The following ARHGAP19 variants were observed in gnomAD, a reference collection of about 807,000 sequenced individuals.
ARHGAP19 encodes the protein rho GTPase-activating protein 19.
Under a neutral mutation model 60.9 loss-of-function variants are expected in ARHGAP19, and 48 were observed. The ratio of observed to expected loss-of-function variants is 0.79; its 90% confidence interval spans 0.62 to 1.00. The LOEUF is 1.00. ARHGAP19 is among the 50% of genes least tolerant of loss of function. ARHGAP19 has a pLI of 0.00. For missense variants in ARHGAP19, 562 were observed against 597.2 expected, an observed-to-expected ratio of 0.94 and a Z score of 0.61; for synonymous variants, 209 against 215.5, an observed-to-expected ratio of 0.97 and a Z score of 0.27.
At chr10:97,247,982 T>TC (rs1842587038) in intron 6 of ARHGAP19, among the ~76,000 whole-genome samples, 1 of 151,180 alleles carries the variant, frequency 6.6e-6, no homozygotes, top group Non-Finnish European at 1.5e-5. Flanking sequence ...TTTTTTTTTT[T>TC]TGAGACGGAG....
At chr10:97,252,413 G>C (rs1842696465) in intron 6 of ARHGAP19, among the ~76,000 whole-genome samples, 1 of 151,766 alleles carries the variant, frequency 6.6e-6, no homozygotes. Flanking sequence ...ATGAGGTCAG[G>C]AGATCGAGAC....
intron 5 of ARHGAP19, among the ~76,000 whole-genome samples, chr10:97,258,324 G>T (rs999909968): frequency 6.6e-6 from 1 of 152,110 alleles, no homozygotes; most frequent in Non-Finnish European, 1.5e-5. Flanking sequence ...TCAGCAGTTC[G>T]AGACCCGCCT....
At chr10:97,291,271 AAAAAC>A (rs1224538580) in intron 1 of ARHGAP19, among the ~76,000 whole-genome samples, 3 of 152,192 alleles carry the variant, frequency 2.0e-5, no homozygotes, top group Non-Finnish European at 2.9e-5. Context: ...ACTGCAAAAC[AAAAAC>A]AAAACAAAAC....
chr10:97,265,850 C>T lies in ARHGAP19; in HGVS notation c.322+10G>A. The T allele has an allele frequency of 6.2e-7, 1 of 1,613,346 alleles. No individual in the cohort carries two copies. Among genetic ancestry groups the T allele is most frequent in the Non-Finnish European group, 8.5e-7 (1 of 1,179,392 alleles). On this transcript the variant is annotated intron_variant, in intron 2 of 11. Transcript: ENST00000358531. The stretch of plus-strand genomic sequence containing the variant: ...GAGGCCTGCCCACCCTTCACAAACA[C>T]ATCTCCTACCCTTTCGCTTGAGAGA...
At chr10:97,233,505 A>G (rs1851065385) in intron 9 of ARHGAP19, among the ~76,000 whole-genome samples, 1 of 152,184 alleles carries the variant, frequency 6.6e-6, no homozygotes, top group South Asian at 2.1e-4. Context: ...CAAAAATAAA[A>G]ACAAAAGGAA....
chr10:97,283,332 G>A (rs1843110417), intron 1 of ARHGAP19, among the ~76,000 whole-genome samples: 1 of 151,806 alleles, frequency 6.6e-6, no homozygotes, highest in South Asian at 2.1e-4. Flanking sequence ...TGAGGTGGGT[G>A]GATCATGAGG....
chr10:97,263,253 T>C (rs1051865366), intron 4 of ARHGAP19, among the ~76,000 whole-genome samples, 167 bp downstream of exon 4: 1 of 152,156 alleles, frequency 6.6e-6, no homozygotes, highest in Non-Finnish European at 1.5e-5. Flanking sequence ...AAATTAAACT[T>C]AACTAGCCAA....
intron 6 of ARHGAP19, among the ~76,000 whole-genome samples, chr10:97,255,963 C>T (rs1011265595): frequency 2.6e-5 from 4 of 152,114 alleles, no homozygotes; most frequent in African/African-American, 9.7e-5. Context: ...ATTGAAAGGG[C>T]CAAAGAGTAC....
At chr10:97,264,959 T>A (rs1443996980) in intron 2 of ARHGAP19, 53 bp from the exon 3 acceptor site, 1 of 1,359,588 alleles carries the variant, frequency 7.4e-7, no homozygotes, top group Non-Finnish European at 1.0e-6. Flanking sequence ...TAGTACAAAA[T>A]CATCATACCT....
intron 9 of ARHGAP19, 56 bp downstream of exon 9, chr10:97,235,161 C>A (rs1251852434): frequency 8.7e-6 from 13 of 1,493,688 alleles, no homozygotes; most frequent in Admixed American, 1.9e-5. Context: ...TAAGAAAAAT[C>A]ACATTGTTAC....
intron 2 of ARHGAP19, among the ~76,000 whole-genome samples, 177 bp from the exon 3 acceptor site, chr10:97,265,083 C>T (rs1049669372): frequency 6.6e-6 from 1 of 152,176 alleles, no homozygotes; most frequent in Admixed American, 6.5e-5. Flanking sequence ...AACTCTCAAT[C>T]AGCTCTCTCT....
At chr10:97,238,089 T>C (rs955448038) in intron 8 of ARHGAP19, among the ~76,000 whole-genome samples, 3 of 152,170 alleles carry the variant, frequency 2.0e-5, no homozygotes, top group African/African-American at 7.2e-5. Flanking sequence ...GACAGCTCCA[T>C]GAGTGATATT....
chr10:97,264,392 G>A (rs1842870997), intron 3 of ARHGAP19, among the ~76,000 whole-genome samples: 1 of 151,706 alleles, frequency 6.6e-6, no homozygotes, highest in South Asian at 2.1e-4. Flanking sequence ...GGTCAAGGCT[G>A]CAGTGAGCCA....
At chr10:97,292,514 G>C in intron 1 of ARHGAP19, 58 bp downstream of exon 1, 5 of 1,597,440 alleles carry the variant, frequency 3.1e-6, no homozygotes, top group Non-Finnish European at 4.3e-6. Flanking sequence ...AGGCAAAGGC[G>C]GCAGGACTAC....
chr10:97,237,051 G>C (rs558322690), intron 8 of ARHGAP19, among the ~76,000 whole-genome samples: 1 of 151,828 alleles, frequency 6.6e-6, no homozygotes, highest in Admixed American at 6.6e-5. Flanking sequence ...GATCACTTGA[G>C]CTCAAGAGTT....
At chr10:97,233,583 G>A (rs1309602715) in intron 9 of ARHGAP19, among the ~76,000 whole-genome samples, 1 of 152,166 alleles carries the variant, frequency 6.6e-6, no homozygotes, top group African/African-American at 2.4e-5. Flanking sequence ...GTGAGTAGGA[G>A]CTGGCCGGGT....
At chr10:97,284,855 CTTTT>C (rs768979699) in intron 1 of ARHGAP19, among the ~76,000 whole-genome samples, 3 of 124,130 alleles carry the variant, frequency 2.4e-5, no homozygotes, top group Non-Finnish European at 3.3e-5. Flanking sequence ...AAAGCATATA[CTTTT>C]TTTTTTTTTT....
At chr10:97,271,436 T>A (rs1012775862) in intron 1 of ARHGAP19, among the ~76,000 whole-genome samples, 1 of 151,544 alleles carries the variant, frequency 6.6e-6, no homozygotes, top group African/African-American at 2.4e-5. Flanking sequence ...TAACCAAGGA[T>A]CAGTATTCAG....
intron 1 of ARHGAP19, among the ~76,000 whole-genome samples, chr10:97,272,923 C>T (rs1342739331): frequency 6.6e-6 from 1 of 151,032 alleles, no homozygotes; most frequent in Non-Finnish European, 1.5e-5. Context: ...TGACTGCAAG[C>T]TCTGCCTCCT....
Sources: gnomAD v4.1 joint callset for allele counts (sites outside exome capture counted in the v4.1 genomes callset) on GRCh38, gnomAD v4.1.1 for gene constraint, MANE v1.5 for transcripts, NCBI Gene and HGNC (gene_info 2026-07-23, HGNC 2026-07-21) for gene names.